Variants in BMS1 observed in about 807,000 individuals in gnomAD.
BMS1 encodes ribosome biogenesis protein BMS1 homolog.
A neutral mutation model predicts 138.7 loss-of-function variants in BMS1; 53 were observed. That is an observed-to-expected ratio of 0.38 (90% CI 0.31 to 0.48). The LOEUF (loss-of-function observed/expected upper bound fraction) is 0.48, where lower values mean the gene tolerates loss of function less well. BMS1 is among the 20% of genes least tolerant of loss of function. The probability of loss-of-function intolerance (pLI) is 0.97; values close to 1 mark genes in which losing one functional copy is unlikely to be tolerated. For missense variants in BMS1, 1,360 were observed against 1,565.5 expected (o/e 0.87, Z 2.22); for synonymous variants, 504 against 539.9 (o/e 0.93, Z 0.92).
rs911884213 is a variant in BMS1 at position 42,797,141 on chromosome 10, A to G, written c.1897A>G (p.Asn633Asp). 8 of 1,614,118 alleles carry G rather than the reference A, an allele frequency of 5.0e-6. No homozygotes were observed. The highest frequency in any genetic ancestry group is 6.8e-6 in the Non-Finnish European group (8 of 1,180,046). ...CAGTGGTCAGAAACTGGGGCCACAGAACTTCATTGATGAGACCAGTGATAT... is the reference window on the plus strand; with the variant it reads ...CAGTGGTCAGAAACTGGGGCCACAGGACTTCATTGATGAGACCAGTGATAT... ...VSSGQKLGPQNFIDETSDIEN... is the reference protein window; with the variant it reads ...VSSGQKLGPQDFIDETSDIEN... The change falls in exon 10 of 23, where the codon AAC (asparagine) becomes GAC (aspartate). Residue 633 changes from asparagine (N) to aspartate (D), a missense_variant. Around this residue, in one of 3 missense-constraint regions of BMS1, gnomAD observed 697 missense variants for 686.2 expected, o/e 1.02. Coordinates refer to ENST00000374518, the MANE Select transcript of BMS1 (RefSeq NM_014753.4).
At chr10:42,809,849 G>T (rs879705890) in intron 13 of BMS1, among the ~76,000 whole-genome samples, 1 of 151,952 alleles carries the variant, frequency 6.6e-6, no homozygotes, top group Admixed American at 6.6e-5. Flanking sequence ...GCAGTGGTGC[G>T]ATCATGGCTC....
intron 19 of BMS1, among the ~76,000 whole-genome samples, chr10:42,822,763 T>C (rs148853508): frequency 0.075 from 11,381 of 152,252 alleles, 667 homozygotes; most frequent in African/African-American, 0.15. Flanking sequence ...GTTTTCATGT[T>C]CTAAGTGCAT....
At chr10:42,786,411 G>T (rs1425960342) in intron 3 of BMS1, among the ~76,000 whole-genome samples, 3 of 151,982 alleles carry the variant, frequency 2.0e-5, no homozygotes, top group African/African-American at 7.3e-5. Flanking sequence ...TATCTTTGGA[G>T]CATCCATATT....
At position 42,790,354 on chromosome 10, in the gene BMS1, T is replaced by G; in HGVS notation, c.479T>G (p.Phe160Cys). The change falls in exon 5 of 23, where the codon TTT becomes TGT. Residue 160 changes from phenylalanine (F) to cysteine (C), a missense_variant. Phe to Cys is a radical substitution (Grantham distance 205, BLOSUM62 -2). Around this residue, in one of 3 missense-constraint regions of BMS1, gnomAD observed 238 missense variants for 311.1 expected, o/e 0.77. Transcript: ENST00000374518. ...VLMLIDASFG[F>C]EMETFEFLNI... is the part of the protein sequence containing the mutation. ...ATGCTTATAGATGCCAGCTTTGGGT[T>G]TGAAATGGAAACGTTTGAGTTTCTA... 6.2e-7 allele frequency: 1 copy of G among 1,613,916 alleles called. No individual in the cohort carries two copies. The highest frequency in any genetic ancestry group is 8.5e-7 in the Non-Finnish European group (1 of 1,179,854).
chr10:42,812,699 A>G (rs1217455765), intron 13 of BMS1, among the ~76,000 whole-genome samples: 1 of 152,178 alleles, frequency 6.6e-6, no homozygotes. Context: ...TCAGATGGGC[A>G]CCATACTCTG....
At chr10:42,785,128 T>C (rs994858173) in intron 2 of BMS1, among the ~76,000 whole-genome samples, 6 of 152,220 alleles carry the variant, frequency 3.9e-5, no homozygotes, top group African/African-American at 9.7e-5. Flanking sequence ...TCTGCTCTTA[T>C]CTGCTATGAT....
In BMS1 at chr10:42,816,671, A is replaced by T; in HGVS notation, c.2402A>T (p.Gln801Leu). ...AAGGGAAAATCAGGCCCCAATACTC[A>T]GGTATGACTTTGTCGTAGCTGGCTG... ...VHKGKSGPNT[Q>L]NEDIEKEVKE... The change falls in exon 14 of 23, where the codon CAG becomes CTG. Residue 801 changes from glutamine to leucine, a missense_variant and splice_region_variant. Transcript: ENST00000374518. 1 of 1,609,258 alleles carries T rather than the reference A, an allele frequency of 6.2e-7. No homozygotes were observed. The highest frequency in any genetic ancestry group is 8.5e-7 in the Non-Finnish European group (1 of 1,178,866).
intron 4 of BMS1, among the ~76,000 whole-genome samples, chr10:42,787,753 A>C (rs1841382177): frequency 6.6e-6 from 1 of 152,236 alleles, no homozygotes; most frequent in African/African-American, 2.4e-5. Context: ...TGATGGTTCC[A>C]GAACCTTCAT....
At chr10:42,812,336 A>G (rs1842208621) in intron 13 of BMS1, among the ~76,000 whole-genome samples, 1 of 152,106 alleles carries the variant, frequency 6.6e-6, no homozygotes, top group African/African-American at 2.4e-5. Context: ...TGGAGAGACA[A>G]AGCCTTGCTA....
In BMS1 at chr10:42,832,961, C is replaced by G. The variant is rs1687688651; in HGVS notation, c.*1865C>G. ...AAATATACAAGGCACTCAAGTCATACCATGTTTTAAGTAGCTTACAAGGTG... is the reference window on the plus strand; with the variant it reads ...AAATATACAAGGCACTCAAGTCATAGCATGTTTTAAGTAGCTTACAAGGTG... On this transcript the variant is annotated 3_prime_UTR_variant, in exon 23 of 23. Coordinates refer to ENST00000374518, the MANE Select transcript of BMS1 (RefSeq NM_014753.4). 6.6e-6 allele frequency: 1 copy of G among 152,130 alleles called. No homozygotes were observed. The highest frequency in any genetic ancestry group is 2.4e-5 in the African/African-American group (1 of 41,420). The allele number at this position is 152,130 out of a possible 1,614,324, so 9.4% of individuals were successfully genotyped here.
At chr10:42,799,236 A>C (rs889628707) in intron 12 of BMS1, among the ~76,000 whole-genome samples, 1 of 152,136 alleles carries the variant, frequency 6.6e-6, no homozygotes, top group Non-Finnish European at 1.5e-5. Context: ...CAGCCTCCAG[A>C]GTAGCTGGGA....
At chr10:42,821,233 T>A (rs2419098) in intron 18 of BMS1, among the ~76,000 whole-genome samples, 1 of 152,172 alleles carries the variant, frequency 6.6e-6, no homozygotes, top group Non-Finnish European at 1.5e-5. Context: ...TTTATTTATC[T>A]AAGCAAGTAC....
chr10:42,820,779 C>G lies in BMS1; in HGVS notation c.2950+91C>G, dbSNP rs1419641251. 6 of 1,491,436 alleles carry G rather than the reference C, an allele frequency of 4.0e-6. No individual in the cohort carries two copies. The Admixed American group carries it at 1.1e-4, about 28-fold the overall frequency. The allele number at this position is 1,491,436 out of a possible 1,614,324, so 92.4% of individuals were successfully genotyped here. ...CTTTGTGCTTTTCTTTCATAAAATT[C>G]CACTCCTAAGATTTTTCTCTTTTCT... On this transcript the variant is annotated intron_variant, in intron 17 of 22. Coordinates refer to ENST00000374518, the MANE Select transcript of BMS1 (RefSeq NM_014753.4).
intron 3 of BMS1, among the ~76,000 whole-genome samples, chr10:42,785,924 A>G (rs1301532838): frequency 6.6e-6 from 1 of 152,028 alleles, no homozygotes; most frequent in Non-Finnish European, 1.5e-5. Context: ...CGAACCCAGC[A>G]CTCGGGCTGG....
rs1320867689 is a variant in BMS1, at chr10:42,821,988, A to G, written c.3010-74A>G. On this transcript the variant is annotated intron_variant, in intron 18 of 22. Coordinates refer to ENST00000374518, the MANE Select transcript of BMS1 (RefSeq NM_014753.4). ...TAAGTAAAATTCACTTTGGTAATTT[A>G]TTGTGTCACATAGAATTGAAGTTTT... is the stretch of plus-strand genomic sequence containing the variant. 4.3e-6 allele frequency: 6 copies of G among 1,402,500 alleles called. No individual in the cohort carries two copies. The African/African-American group carries it at 5.7e-5, about 13-fold the overall frequency. 86.9% of individuals were successfully genotyped at this position (1,402,500 alleles called of 1,614,324 possible).
chr10:42,820,400 T>C lies in BMS1; in HGVS notation c.2745T>C (p.Ser915=), dbSNP rs3867299. The part of the protein sequence containing the change: ...YPIILGGLGN[S]EGNVGYVQMR... ...TTATCCTGGGTGGCTTGGGCAACAG[T>C]GAGGGAAATGTTGGCTACGTGCAGG... The change falls in exon 16 of 23, where the codon AGT becomes AGC. Residue 915 remains serine, a synonymous_variant. Transcript: ENST00000374518. 4 of 1,613,830 alleles carry C rather than the reference T, an allele frequency of 2.5e-6. No individual in the cohort carries two copies. The Admixed American group carries it at 5.0e-5, about 20-fold the overall frequency.
chr10:42,830,311 C>T lies in BMS1; in HGVS notation c.3507C>T (p.Ala1169=), dbSNP rs1403462948. 5.0e-6 allele frequency: 8 copies of T among 1,613,900 alleles called. No individual in the cohort carries two copies. Among genetic ancestry groups the T allele is most frequent in the Non-Finnish European group, 6.8e-6 (8 of 1,179,990 alleles). Residue 1169 remains alanine (A), a synonymous_variant, in exon 22 of 23, where the codon GCC becomes GCT. Coordinates refer to ENST00000374518, the MANE Select transcript of BMS1 (RefSeq NM_014753.4). ...TTAATTCACTGCACATTCCAAAAGC[C>T]TTGCAGAAGGCCCTGCCATTTAAGA... ...KHFNSLHIPK[A]LQKALPFKNK... is the part of the protein sequence containing the mutation.
intron 13 of BMS1, among the ~76,000 whole-genome samples, chr10:42,808,814 T>C (rs769078645): frequency 2.2e-4 from 34 of 152,356 alleles, no homozygotes; most frequent in Non-Finnish European, 2.9e-4. Context: ...TGAGCATCTT[T>C]CTGTGAATCT....
Position 42,820,382 on chromosome 10 carries a change from G to C in BMS1, c.2727G>C (p.Leu909=), listed in dbSNP as rs1240339321. The C allele has an allele frequency of 6.2e-7, 1 of 1,613,764 alleles. No individual in the cohort carries two copies. Among genetic ancestry groups the C allele is most frequent in the Non-Finnish European group, 8.5e-7 (1 of 1,179,848 alleles). Reference sequence around the variant, plus strand: ...TTGACCCCCATTACCCCATTATCCTGGGTGGCTTGGGCAACAGTGAGGGAA... The same window carrying C: ...TTGACCCCCATTACCCCATTATCCTCGGTGGCTTGGGCAACAGTGAGGGAA... ...QNFDPHYPII[L]GGLGNSEGNV... The change falls in exon 16 of 23, where the codon CTG becomes CTC. Residue 909 remains leucine, a synonymous_variant. Transcript: ENST00000374518.
Sources: allele counts gnomAD v4.1 joint callset (sites outside exome capture counted in the v4.1 genomes callset), GRCh38; gene constraint gnomAD v4.1.1; regional missense constraint gnomAD v4.1.1; transcripts MANE v1.5; gene names NCBI Gene and HGNC (gene_info 2026-07-23, HGNC 2026-07-21).